The following MAPKAPK5 variants were observed in gnomAD, a reference collection of about 807,000 sequenced individuals.
The protein encoded by MAPKAPK5 is MAP kinase-activated protein kinase 5.
MAPKAPK5 carries 30 observed loss-of-function variants against 65.1 expected under a neutral mutation model. The ratio of observed to expected loss-of-function variants is 0.46; its 90% CI spans 0.34 to 0.63. MAPKAPK5 has a LOEUF of 0.63. Ranked by LOEUF, MAPKAPK5 falls within the 20% of genes least tolerant of loss-of-function variation. The pLI, the probability that MAPKAPK5 is intolerant of heterozygous loss-of-function variation, is 0.01. For synonymous variants in MAPKAPK5, 179 were observed against 204.6 expected (o/e 0.87, Z 1.07); for missense variants, 433 against 581.4 (o/e 0.74, Z 2.63).
intron 4 of MAPKAPK5, among the ~76,000 whole-genome samples, 186 bp downstream of exon 4, chr12:111,867,855 G>T (rs2069662959): frequency 6.6e-6 from 1 of 152,036 alleles, no homozygotes; most frequent in Non-Finnish European, 1.5e-5. Flanking sequence ...ATTTGTAAAA[G>T]CAGACAGAAT....
intron 1 of MAPKAPK5, among the ~76,000 whole-genome samples, chr12:111,862,840 C>T (rs963633632): frequency 5.3e-5 from 8 of 152,078 alleles, no homozygotes; most frequent in Non-Finnish European, 1.5e-5. Flanking sequence ...TGTATGATTC[C>T]ATTAGTTGAG....
At chr12:111,868,672 A>G in intron 4 of MAPKAPK5, 81 bp from the exon 5 acceptor site, 2 of 1,078,362 alleles carry the variant, frequency 1.9e-6, no homozygotes, top group Non-Finnish European at 2.7e-6. Context: ...TCTTTAGGTC[A>G]GCTTCTTAAT....
chr12:111,892,211 T>C (rs1177748903), intron 13 of MAPKAPK5, among the ~76,000 whole-genome samples: 2 of 152,248 alleles, frequency 1.3e-5, no homozygotes, highest in Non-Finnish European at 2.9e-5. Flanking sequence ...GAATGGACTT[T>C]AGGATTATTT....
intron 6 of MAPKAPK5, 78 bp downstream of exon 6, chr12:111,870,438 G>T: frequency 8.5e-6 from 10 of 1,179,700 alleles, no homozygotes; most frequent in Non-Finnish European, 1.1e-5. Flanking sequence ...GGAGCGCTCT[G>T]AATTCATGGT....
Position 111,894,975 on chromosome 12 carries a change from C to T in MAPKAPK5, c.*1914C>T, listed in dbSNP as rs1375335591. 6.6e-6 allele frequency: 1 copy of T among 152,006 alleles called. No homozygotes were observed. Among genetic ancestry groups the T allele is most frequent in the South Asian group, 2.1e-4 (1 of 4,826 alleles). The allele number at this position is 152,006 out of a possible 1,614,324, so 9.4% of individuals were successfully genotyped here. A position where few individuals can be genotyped will look rare whatever the true frequency, so the allele number is the denominator to read the frequency against. On this transcript the variant is annotated 3_prime_UTR_variant, in exon 14 of 14. Coordinates refer to ENST00000550735, the MANE Select transcript of MAPKAPK5 (RefSeq NM_003668.4). ...ACTCCTCCACTGTGCTGAGTAATTC[C>T]TCCACCCTGAATCTTCAGGGTGACA... is the stretch of plus-strand genomic sequence containing the variant.
intron 3 of MAPKAPK5, 125 bp from the exon 4 acceptor site, chr12:111,867,447 G>GT: frequency 1.6e-6 from 1 of 620,730 alleles, no homozygotes. Flanking sequence ...AAAACACTGG[G>GT]TTTTTACATC....
intron 1 of MAPKAPK5, among the ~76,000 whole-genome samples, chr12:111,857,763 T>A (rs1039017756): frequency 6.6e-6 from 1 of 152,240 alleles, no homozygotes; most frequent in African/African-American, 2.4e-5. Flanking sequence ...ATTATGTGAT[T>A]CTACTGTCTT....
At chr12:111,888,277 TG>T in intron 10 of MAPKAPK5, 1 of 518,154 alleles carries the variant, frequency 1.9e-6, no homozygotes, top group Non-Finnish European at 3.3e-6. Context: ...AAGGGCTAGT[TG>T]TTGTGTGACC....
intron 10 of MAPKAPK5, among the ~76,000 whole-genome samples, chr12:111,887,212 G>A (rs1409996986): frequency 1.3e-5 from 2 of 152,188 alleles, no homozygotes; most frequent in Non-Finnish European, 2.9e-5. Context: ...AGTTTAGCTG[G>A]AGCATGGAAG....
At chr12:111,876,510 G>C (rs2069978264) in intron 7 of MAPKAPK5, among the ~76,000 whole-genome samples, 1 of 151,776 alleles carries the variant, frequency 6.6e-6, no homozygotes, top group South Asian at 2.1e-4. Context: ...ATGCATTCTT[G>C]TTCCTTTGTT....
intron 5 of MAPKAPK5, among the ~76,000 whole-genome samples, chr12:111,869,659 G>C (rs183546543): frequency 1.9e-4 from 29 of 152,138 alleles, no homozygotes; most frequent in Admixed American, 1.2e-3. Context: ...AGTAAAATCT[G>C]TTCTTTCTGT....
Position 111,892,967 on chromosome 12 carries a change from G to T in MAPKAPK5, c.1322G>T (p.Gly441Val). Reference protein sequence around the residue: ...RDTLQSFSWNGRGFTDKVDRL... With the variant: ...RDTLQSFSWNVRGFTDKVDRL... ...GACCTTGTTCTTTTTTTGCTTTCAG[G>T]TCGTGGATTCACAGATAAAGTAGAT... The change falls in exon 14 of 14, where the codon GGT becomes GTT. Residue 441 changes from glycine to valine, a missense_variant and splice_region_variant. Gly to Val is a moderately radical substitution (Grantham distance 109). This residue lies in a region of MAPKAPK5 where 169 missense variants were observed against 215.6 expected (regional missense o/e 0.78). Coordinates refer to ENST00000550735, the MANE Select transcript of MAPKAPK5 (RefSeq NM_003668.4). The T allele has an allele frequency of 1.3e-6, 2 of 1,564,214 alleles. No homozygotes were observed. The highest frequency in any genetic ancestry group is 2.4e-5 in the South Asian group (2 of 83,956).
At chr12:111,882,770 CCTT>C in intron 8 of MAPKAPK5, 1 of 983,898 alleles carries the variant, frequency 1.0e-6, no homozygotes. Flanking sequence ...TGCATTTAGA[CCTT>C]CTGTTCTTCC....
chr12:111,883,750 C>G lies in MAPKAPK5; in HGVS notation c.830C>G (p.Ala277Gly). 6.2e-7 allele frequency: 1 copy of G among 1,613,520 alleles called. No homozygotes were observed. Among genetic ancestry groups the G allele is most frequent in the Non-Finnish European group, 8.5e-7 (1 of 1,179,726 alleles). Residue 277 changes from alanine (A) to glycine (G), a missense_variant, in exon 9 of 14, where the codon GCC (alanine) becomes GGC (glycine). By Grantham distance (60) the Ala-to-Gly change is moderately conservative. Coordinates refer to ENST00000550735, the MANE Select transcript of MAPKAPK5 (RefSeq NM_003668.4). The surrounding 1 kb of genome is among the most constrained non-coding windows in gnomAD (Gnocchi z 4.8). ...GAGTGGAGTCAGATCTCAGAGATGG[C>G]CAAAGATGTTGTGAGGAAGTGAGTT... ...EEEWSQISEM[A>G]KDVVRKLLKV... is the part of the protein sequence containing the mutation.
At chr12:111,853,972 G>C (rs192093787) in intron 1 of MAPKAPK5, among the ~76,000 whole-genome samples, 1 of 152,196 alleles carries the variant, frequency 6.6e-6, no homozygotes, top group Admixed American at 6.6e-5. Flanking sequence ...CAGATATTAA[G>C]CCAATCTTGC....
At chr12:111,891,697 C>T (rs1366414774) in intron 13 of MAPKAPK5, among the ~76,000 whole-genome samples, 1 of 149,584 alleles carries the variant, frequency 6.7e-6, no homozygotes, top group African/African-American at 2.5e-5. Flanking sequence ...GTTCCAGCTA[C>T]TCAGGAGGCT....
At chr12:111,887,419 C>A (rs897719541) in intron 10 of MAPKAPK5, among the ~76,000 whole-genome samples, 1 of 152,182 alleles carries the variant, frequency 6.6e-6, no homozygotes, top group African/African-American at 2.4e-5. Flanking sequence ...CGCCTGTAAT[C>A]CCAGCAGTTT....
chr12:111,880,833 A>C (rs1203486945), intron 8 of MAPKAPK5, among the ~76,000 whole-genome samples: 1 of 152,164 alleles, frequency 6.6e-6, no homozygotes, highest in African/African-American at 2.4e-5. Context: ...ATCATCAGTC[A>C]GGTTATTTTT....
chr12:111,888,640 A>G (rs1282654007), intron 11 of MAPKAPK5, 22 bp downstream of exon 11: 5 of 1,612,650 alleles, frequency 3.1e-6, no homozygotes, highest in South Asian at 1.1e-5. Flanking sequence ...TATTTCTTCG[A>G]TTCTTCTTCA....
Sources: allele counts gnomAD v4.1 joint callset (sites outside exome capture counted in the v4.1 genomes callset), GRCh38; gene constraint gnomAD v4.1.1; regional missense constraint gnomAD v4.1.1; non-coding constraint Gnocchi (gnomAD v3.1); transcripts MANE v1.5; gene names NCBI Gene and HGNC (gene_info 2026-07-23, HGNC 2026-07-21).